The following FERMT1 variants were observed in gnomAD, a reference collection of about 807,000 sequenced individuals.
FERMT1 encodes the protein fermitin family homolog 1.
A neutral mutation model predicts 85.3 loss-of-function variants in FERMT1; 60 were observed. The ratio of observed to expected loss-of-function variants is 0.70; its 90% confidence interval spans 0.57 to 0.87. The LOEUF (loss-of-function observed/expected upper bound fraction) is 0.87. FERMT1 is among the 40% of genes least tolerant of loss of function. The pLI is 0.00. For missense variants in FERMT1, 701 were observed against 818.9 expected (o/e 0.86, Z 1.76); for synonymous variants, 275 against 301.1 (o/e 0.91, Z 0.90).
intron 6 of FERMT1, among the ~76,000 whole-genome samples, chr20:6,103,174 T>C (rs1982706256): frequency 6.6e-6 from 1 of 152,212 alleles, no homozygotes; most frequent in Non-Finnish European, 1.5e-5. Flanking sequence ...CCTCTCTACC[T>C]TGTTCCCTGG....
intron 9 of FERMT1, among the ~76,000 whole-genome samples, chr20:6,089,982 T>C (rs906531524): frequency 6.6e-6 from 1 of 152,150 alleles, no homozygotes; most frequent in African/African-American, 2.4e-5. Flanking sequence ...GGGTATCTCA[T>C]GCCAGAGGGG....
chr20:6,103,751 CTT>C (rs1401904480), intron 6 of FERMT1, among the ~76,000 whole-genome samples: 2 of 126,732 alleles, frequency 1.6e-5, no homozygotes, highest in African/African-American at 2.9e-5. Context: ...GTTGTAAAGA[CTT>C]TTACTTTGTT....
At chr20:6,094,129 T>C (rs1403937018) in intron 9 of FERMT1, 2 of 152,274 alleles carry the variant, frequency 1.3e-5, no homozygotes, top group African/African-American at 4.8e-5. Flanking sequence ...TTTCTAATTC[T>C]TTCTTTGCAT....
chr20:6,102,631 C>A (rs530570400), intron 6 of FERMT1, among the ~76,000 whole-genome samples: 4 of 136,242 alleles, frequency 2.9e-5, no homozygotes, highest in Admixed American at 2.5e-4. Flanking sequence ...GAGCCAAGAT[C>A]GTGCCACTGT....
chr20:6,122,388 G>A (rs114924759), intron 1 of FERMT1, among the ~76,000 whole-genome samples: 37 of 152,330 alleles, frequency 2.4e-4, no homozygotes, highest in African/African-American at 8.7e-4. Context: ...CGAAAGCATG[G>A]AGGGATGGAG....
intron 14 of FERMT1, among the ~76,000 whole-genome samples, chr20:6,077,605 A>G (rs1227608940): frequency 2.0e-5 from 3 of 152,216 alleles, no homozygotes; most frequent in Admixed American, 6.5e-5. Flanking sequence ...TCTACAGTTT[A>G]GATACAAGGA....
intron 9 of FERMT1, among the ~76,000 whole-genome samples, chr20:6,093,441 C>T (rs1397035570): frequency 2.0e-5 from 3 of 152,220 alleles, no homozygotes; most frequent in African/African-American, 7.2e-5. Context: ...GCATCACTTT[C>T]TTCATCAGAA....
At position 6,115,968 on chromosome 20, in the gene FERMT1, G is replaced by A. The variant is rs1689024183; in HGVS notation, c.228C>T (p.Thr76=). The A allele has an allele frequency of 1.2e-6, 2 of 1,614,066 alleles. No homozygotes were observed. The highest frequency in any genetic ancestry group is 2.7e-5 in the African/African-American group (2 of 74,910). Residue 76 remains threonine, a synonymous_variant, in exon 3 of 15, where the codon ACC becomes ACT. Transcript: ENST00000217289. ...KHCWLLKTHW[T]LDKYGVQADA... ...CTGCCTGGACCCCATATTTGTCCAG[G>A]GTCCAGTGGGTTTTCAGAAGCCAGC...
At chr20:6,077,407 C>G in intron 14 of FERMT1, 61 bp from the exon 15 acceptor site, 1 of 1,570,344 alleles carries the variant, frequency 6.4e-7, no homozygotes. Flanking sequence ...AAAAAAAGTG[C>G]TTTGCTGGAC....
chr20:6,106,993 C>T (rs11698807), intron 6 of FERMT1, among the ~76,000 whole-genome samples: 15,135 of 152,006 alleles, frequency 0.1, 815 homozygotes, highest in African/African-American at 0.14. Context: ...GTCAGTAGTT[C>T]GAGACCAACC....
intron 4 of FERMT1, among the ~76,000 whole-genome samples, chr20:6,110,956 A>G (rs996513248): frequency 2.0e-5 from 3 of 152,178 alleles, no homozygotes; most frequent in African/African-American, 7.2e-5. Flanking sequence ...TTTGTTTTTT[A>G]GACGGAGTCT....
chr20:6,107,013 T>C (rs573993594), intron 6 of FERMT1, among the ~76,000 whole-genome samples: 1 of 152,128 alleles, frequency 6.6e-6, no homozygotes, highest in African/African-American at 2.4e-5. Context: ...CTGGCCAATA[T>C]AGTGAAACCC....
intron 9 of FERMT1, among the ~76,000 whole-genome samples, chr20:6,090,479 A>G (rs540149947): frequency 6.6e-6 from 1 of 152,198 alleles, no homozygotes; most frequent in African/African-American, 2.4e-5. Context: ...AAAAAAGTAT[A>G]TGCTGGGTGC....
Position 6,085,286 on chromosome 20 carries a change from T to C in FERMT1, c.1373A>G (p.Glu458Gly). The change falls in exon 12 of 15, where the codon GAG becomes GGG. Residue 458 changes from glutamate (E) to glycine (G), a missense_variant and splice_region_variant. By Grantham distance (98) the Glu-to-Gly change is moderately conservative. Transcript: ENST00000217289. ...AGCCATCCATTGGGCGTATTGATTC[T>C]CCTGCAGCAAACAGAAGGTTGAGAA... ...MNEMYLRCDH[E>G]NQYAQWMAAC... 1 of 1,613,108 alleles carries C rather than the reference T, an allele frequency of 6.2e-7. No homozygotes were observed. Among genetic ancestry groups the C allele is most frequent in the Non-Finnish European group, 8.5e-7 (1 of 1,179,976 alleles).
rs113777057 is a variant in FERMT1 at position 6,116,106 on chromosome 20, G to A, written c.152-62C>T. ...AGGGCCCAGCTTGGAGGGTCCTGGAGCTGCAGAGTCAATTTCATTGTGTGC... is the reference window on the plus strand; with the variant it reads ...AGGGCCCAGCTTGGAGGGTCCTGGAACTGCAGAGTCAATTTCATTGTGTGC... On this transcript the variant is annotated intron_variant, in intron 2 of 14. Coordinates refer to ENST00000217289, the MANE Select transcript of FERMT1 (RefSeq NM_017671.5). 2.7e-5 allele frequency: 31 copies of A among 1,139,768 alleles called. 2 individuals are homozygous for A. The African/African-American group carries it at 4.0e-4, about 15-fold the overall frequency. 70.6% of individuals were successfully genotyped at this position (1,139,768 alleles called of 1,614,324 possible).
Position 6,085,100 on chromosome 20 carries a change from G to A in FERMT1, c.1559C>T (p.Ser520Leu). The change falls in exon 12 of 15, where the codon TCA becomes TTA. Residue 520 changes from serine (S) to leucine (L), a missense_variant. Coordinates refer to ENST00000217289, the MANE Select transcript of FERMT1 (RefSeq NM_017671.5). Reference sequence around the variant, plus strand: ...TTTGTGTCTTTTTGCACACCGTGGTGACACAAAACATTCTGGGTTCATATC... The same window carrying A: ...TTTGTGTCTTTTTGCACACCGTGGTAACACAAAACATTCTGGGTTCATATC... ...NMDMNPECFVSPRCAKRHKSK... is the reference protein window; with the variant it reads ...NMDMNPECFVLPRCAKRHKSK... The A allele has an allele frequency of 6.2e-7, 1 of 1,614,110 alleles. No individual in the cohort carries two copies. The highest frequency in any genetic ancestry group is 8.5e-7 in the Non-Finnish European group (1 of 1,179,992).
intron 14 of FERMT1, among the ~76,000 whole-genome samples, chr20:6,078,392 G>A (rs1444066251): frequency 2.0e-5 from 3 of 152,150 alleles, no homozygotes; most frequent in Non-Finnish European, 2.9e-5. Flanking sequence ...ATCCCTCTAC[G>A]TCAGTGACTT....
chr20:6,119,503 C>T lies in FERMT1; in HGVS notation c.52G>A (p.Val18Ile), dbSNP rs780463226. 63 of 1,614,172 alleles carry T rather than the reference C, an allele frequency of 3.9e-5. No individual in the cohort carries two copies. The East Asian group carries it at 1.1e-3, about 29-fold the overall frequency. Residue 18 changes from valine to isoleucine, a missense_variant, in exon 2 of 15, where the codon GTT becomes ATT. Val to Ile is a conservative substitution (Grantham distance 29, BLOSUM62 3). Coordinates refer to ENST00000217289, the MANE Select transcript of FERMT1 (RefSeq NM_017671.5). Reference sequence around the variant, plus strand: ...TGCTGCTCTTCATTGGGATGGTCAACGCGGACCACAAGCTCCCAGGAAGCA... The same window carrying T: ...TGCTGCTCTTCATTGGGATGGTCAATGCGGACCACAAGCTCCCAGGAAGCA... Reference protein sequence around the residue: ...TFASWELVVRVDHPNEEQQKD... With the variant: ...TFASWELVVRIDHPNEEQQKD...
chr20:6,107,618 G>A lies in FERMT1; in HGVS notation c.763C>T (p.Arg255Cys), dbSNP rs62200482. 133,925 of 1,605,898 alleles carry A rather than the reference G, an allele frequency of 0.083. 6,148 individuals carry two copies. Among genetic ancestry groups the A allele is most frequent in the Non-Finnish European group, 0.093 (108,514 of 1,172,942 alleles). Residue 255 changes from arginine (R) to cysteine (C), a missense_variant, in exon 6 of 15, where the codon CGC becomes TGC. Arg to Cys is a radical substitution (Grantham distance 180). Transcript: ENST00000217289. ...TGGATGCCTTGTTCCATAAGGGAGC[G>A]TGAGGAGTCTAGCCAACTAGAAAAT... ...KLNAGWLDSS[R>C]SLMEQGIQED... is the part of the protein sequence containing the mutation.
Sources: gnomAD v4.1 joint callset for allele counts (sites outside exome capture counted in the v4.1 genomes callset) on GRCh38, gnomAD v4.1.1 for gene constraint, MANE v1.5 for transcripts, NCBI Gene and HGNC (gene_info 2026-07-23, HGNC 2026-07-21) for gene names.